RCC1: variants seen among roughly 807,000 people sequenced by gnomAD.
RCC1 encodes the protein regulator of chromosome condensation.
RCC1 carries 11 observed loss-of-function variants against 44.4 expected under a neutral mutation model. The observed-to-expected ratio is 0.25, with a 90% CI of 0.16 to 0.41. RCC1 has a LOEUF of 0.41. Ranked by LOEUF, RCC1 falls within the 10% of genes least tolerant of loss-of-function variation. The probability of loss-of-function intolerance (pLI) is 1.00; values close to 1 mark genes in which losing one functional copy is unlikely to be tolerated. For synonymous variants in RCC1, 213 were observed against 216.5 expected, an observed-to-expected ratio of 0.98 and a Z score of 0.14; for missense variants, 386 against 547.1, an observed-to-expected ratio of 0.71 and a Z score of 2.94.
chr1:28,509,736 C>T (rs1036225240), intron 3 of RCC1: 2 of 152,134 alleles, frequency 1.3e-5, no homozygotes, highest in African/African-American at 2.4e-5. Context: ...GTTCTAAAGG[C>T]CCTGAAACCT....
intron 5 of RCC1, among the ~76,000 whole-genome samples, chr1:28,530,816 A>G (rs560706548): frequency 6.6e-6 from 1 of 151,940 alleles, no homozygotes; most frequent in Non-Finnish European, 1.5e-5. Flanking sequence ...CTGCCTCTCC[A>G]CTGGATGGTG....
rs370351310 is a variant in RCC1, at chr1:28,529,883, T to C, written c.17T>C (p.Ile6Thr). Reference protein sequence around the residue: MSPKRIAKRRSPPADA... With the variant: MSPKRTAKRRSPPADA... ...GACAGGAAGATGTCACCCAAGCGCA[T>C]AGCTAAAAGAAGGTCCCCCCCAGCA... Residue 6 changes from isoleucine (I) to threonine (T), a missense_variant, in exon 5 of 13, where the codon ATA becomes ACA. By Grantham distance (89) the Ile-to-Thr change is moderately conservative. Transcript: ENST00000683442. 75 of 1,613,934 alleles carry C rather than the reference T, an allele frequency of 4.6e-5. No individual in the cohort carries two copies. The highest frequency in any genetic ancestry group is 1.6e-4 in the Middle Eastern group (1 of 6,084).
intron 5 of RCC1, 42 bp from the exon 6 acceptor site, chr1:28,531,761 C>A: frequency 1.4e-6 from 2 of 1,461,662 alleles, no homozygotes; most frequent in South Asian, 3.1e-5. Context: ...TCCTCGCTGT[C>A]GTCATCCTCT....
chr1:28,528,410 G>A (rs921730734), intron 4 of RCC1, among the ~76,000 whole-genome samples: 23 of 152,228 alleles, frequency 1.5e-4, no homozygotes, highest in African/African-American at 4.3e-4. Context: ...AGCCGAGATC[G>A]CACCATTGCA....
chr1:28,527,160 C>A (rs1663719432), intron 4 of RCC1: 4 of 1,263,716 alleles, frequency 3.2e-6, no homozygotes, highest in Admixed American at 1.9e-5. Context: ...GGCAGAAATG[C>A]CCCCAAGGAA....
rs533921063 is a variant in RCC1 at position 28,516,737 on chromosome 1, G to A, written c.-140G>A. On this transcript the variant is annotated 5_prime_UTR_variant, in exon 4 of 13. Coordinates refer to ENST00000683442, the MANE Select transcript of RCC1 (RefSeq NM_001381865.2). ...TTATTACATGAAGCTACATGAATGT[G>A]TAAGATCTTGGAGGAAGACAGCAGA... The A allele has an allele frequency of 2.8e-5, 12 of 428,412 alleles. No homozygotes were observed. Among genetic ancestry groups the A allele is most frequent in the Non-Finnish European group, 5.5e-5 (12 of 216,856 alleles). 26.5% of individuals were successfully genotyped at this position (428,412 alleles called of 1,614,324 possible).
At chr1:28,534,964 C>A in intron 7 of RCC1, 86 bp from the exon 8 acceptor site, 1 of 998,606 alleles carries the variant, frequency 1.0e-6, no homozygotes, top group Non-Finnish European at 1.6e-6. Context: ...ACTTCTCCAT[C>A]CCCATCTGGT....
chr1:28,516,836 T>C lies in RCC1; in HGVS notation c.-41T>C. On this transcript the variant is annotated 5_prime_UTR_variant, in exon 4 of 13. Transcript: ENST00000683442. ...CACAGTACATCATCCAAAAGAGGAG[T>C]CCATGATGGAGGCAGAGGTAAACTT... 1 of 455,226 alleles carries C rather than the reference T, an allele frequency of 2.2e-6. No individual in the cohort carries two copies. The highest frequency in any genetic ancestry group is 4.4e-6 in the Non-Finnish European group (1 of 226,594). 28.2% of individuals were successfully genotyped at this position (455,226 alleles called of 1,614,324 possible).
chr1:28,535,217 C>A (rs891359176), intron 8 of RCC1, 41 bp from the exon 9 acceptor site: 1 of 1,614,130 alleles, frequency 6.2e-7, no homozygotes, highest in South Asian at 1.1e-5. Context: ...AGCCTTGGGC[C>A]TTACAGTTGT....
rs4654325 is a variant in RCC1, at chr1:28,536,563, A to G, written c.937+182A>G. ...TGGTGTTCTTCCAAGTGTGAGTTCA[A>G]TGGGGGCCCATGTAGATTCTCCTAG... On this transcript the variant is annotated intron_variant, in intron 11 of 12. Coordinates refer to ENST00000683442, the MANE Select transcript of RCC1 (RefSeq NM_001381865.2). The surrounding 1 kb of genome is among the most constrained non-coding windows in gnomAD (Gnocchi z 4.9). Among the ~76,000 whole-genome samples, 41,606 of 151,942 alleles carry G rather than the reference A, an allele frequency of 0.27. 5,829 individuals carry two copies. Among genetic ancestry groups the G allele is most frequent in the Middle Eastern group, 0.35 (104 of 294 alleles).
At chr1:28,531,493 G>A (rs1345322954) in intron 5 of RCC1, among the ~76,000 whole-genome samples, 1 of 151,924 alleles carries the variant, frequency 6.6e-6, no homozygotes, top group East Asian at 2.0e-4. Flanking sequence ...AGGATTACAG[G>A]TGTGAGCCAC....
intron 4 of RCC1, among the ~76,000 whole-genome samples, chr1:28,524,362 T>C (rs1445537103): frequency 1.3e-5 from 2 of 152,170 alleles, no homozygotes; most frequent in Admixed American, 1.3e-4. Context: ...AGGGGGATCT[T>C]GGGCAGGCCT....
rs1664222350 is a variant in RCC1 at position 28,532,207 on chromosome 1, G to T, written c.298G>T (p.Gly100Ter). The change falls in exon 7 of 13, where the codon GGA becomes TGA. Residue 100 changes from glycine to a stop codon, truncating the protein, a stop_gained. Coordinates refer to ENST00000683442, the MANE Select transcript of RCC1 (RefSeq NM_001381865.2). LOFTEE classifies it high-confidence loss of function. ...SFGCNDEGAL[G>*]RDTSVEGSEM... ...CGGCTGCAATGATGAGGGTGCCCTG[G>T]GAAGGGACACATCAGTGGAGGGCTC... 6.2e-7 allele frequency: 1 copy of T among 1,613,702 alleles called. No individual in the cohort carries two copies. The highest frequency in any genetic ancestry group is 1.3e-5 in the African/African-American group (1 of 74,924).
Position 28,531,264 on chromosome 1 carries a change from T to C in RCC1, c.74-539T>C, listed in dbSNP as rs866954493. ...ACAATAATTAGCTTTCTTTTCTTTT[T>C]CTTTTTTTTTTTTTTTTTGAGATCA... On this transcript the variant is annotated intron_variant, in intron 5 of 12. Coordinates refer to ENST00000683442, the MANE Select transcript of RCC1 (RefSeq NM_001381865.2). Among the ~76,000 whole-genome samples, 227 of 145,602 alleles carry C rather than the reference T, an allele frequency of 1.6e-3. 4 individuals carry two copies. The highest frequency in any genetic ancestry group is 5.5e-3 in the African/African-American group (211 of 38,022).
intron 3 of RCC1, among the ~76,000 whole-genome samples, chr1:28,512,213 T>C: frequency 1.6e-5 from 1 of 61,796 alleles, no homozygotes; most frequent in African/African-American, 1.5e-4. Context: ...ACTCCTGACC[T>C]CAGGTGATCC....
intron 1 of RCC1, 109 bp from the exon 2 acceptor site, chr1:28,508,019 A>AC (rs1447155024): frequency 1.4e-5 from 5 of 351,918 alleles, no homozygotes; most frequent in African/African-American, 1.1e-4. Flanking sequence ...CTATACTCAA[A>AC]CCTATACTCC....
intron 3 of RCC1, chr1:28,510,639 C>A (rs749916033): frequency 1.3e-5 from 2 of 152,204 alleles, no homozygotes; most frequent in Non-Finnish European, 2.9e-5. Context: ...TTTGTGCTTA[C>A]CTGTGCCAGG....
rs1557880373 is a variant in RCC1, at chr1:28,534,985, T to C, written c.442-65T>C. The C allele has an allele frequency of 2.3e-5, 30 of 1,324,522 alleles. No individual in the cohort carries two copies. In the East Asian group the frequency reaches 6.7e-4, roughly 29 times the overall value. The allele number at this position is 1,324,522 out of a possible 1,614,324, so 82.0% of individuals were successfully genotyped here. On this transcript the variant is annotated intron_variant, in intron 7 of 12. Transcript: ENST00000683442. ...CCATCCCCATCTGGTGCCACTGCCC[T>C]TCTGGATTTCACTGGCACGGGGCAG... is the stretch of plus-strand genomic sequence containing the variant.
intron 7 of RCC1, 21 bp from the exon 8 acceptor site, chr1:28,535,029 T>C (rs764324439): frequency 1.3e-6 from 2 of 1,598,322 alleles, no homozygotes; most frequent in Non-Finnish European, 1.7e-6. Context: ...GGCTGATAAG[T>C]GCCCTGTCCC....
Sources: allele counts gnomAD v4.1 joint callset (sites outside exome capture counted in the v4.1 genomes callset), GRCh38; gene constraint gnomAD v4.1.1; non-coding constraint Gnocchi (gnomAD v3.1); transcripts MANE v1.5; gene names NCBI Gene and HGNC (gene_info 2026-07-23, HGNC 2026-07-21).